TNS3: variants seen among roughly 807,000 people sequenced by gnomAD.
TNS3 encodes tensin 3.
TNS3 carries 45 observed loss-of-function variants against 140.9 expected under a neutral mutation model. The observed-to-expected ratio is 0.32, with a 90% CI of 0.25 to 0.41. The LOEUF (loss-of-function observed/expected upper bound fraction) is 0.41. TNS3 is among the 10% of genes least tolerant of loss of function. The pLI is 1.00. For synonymous variants in TNS3, 815 were observed against 788.4 expected, an observed-to-expected ratio of 1.03 and a Z score of -0.56; for missense variants, 1,716 against 1,906.7, an observed-to-expected ratio of 0.90 and a Z score of 1.86.
At chr7:47,529,193 T>G (rs1198578084) in intron 1 of TNS3, 46 bp from the exon 2 acceptor site, 1 of 1,060,362 alleles carries the variant, frequency 9.4e-7, no homozygotes, top group African/African-American at 1.7e-5. Context: ...TCTCATAGTT[T>G]GTTTCTTTTT....
intron 17 of TNS3, among the ~76,000 whole-genome samples, chr7:47,355,282 G>A (rs1378757680): frequency 6.6e-6 from 1 of 152,238 alleles, no homozygotes; most frequent in Admixed American, 6.5e-5. Flanking sequence ...AGGAGGAGCT[G>A]GGGATGGTGG....
intron 17 of TNS3, among the ~76,000 whole-genome samples, chr7:47,359,704 TGA>T (rs959149623): frequency 2.2e-4 from 34 of 152,194 alleles, no homozygotes; most frequent in African/African-American, 8.0e-4. Flanking sequence ...TCCTTTGACA[TGA>T]GTGTTAGGGT....
rs537732666 is a variant in TNS3, at chr7:47,469,062, A to G, written c.-76+12041T>C. 2.0e-5 allele frequency among the ~76,000 whole-genome samples: 3 copies of G among 152,338 alleles called. No homozygotes were observed. The South Asian group carries it at 6.2e-4, about 32-fold the overall frequency. ...TGCAGAAGAATGGAACTAGACCCTT[A>G]CCTTTCACCGTATATAAAAACTAAC... On this transcript the variant is annotated intron_variant, in intron 4 of 30. Transcript: ENST00000311160.
At chr7:47,495,680 C>T (rs527271538) in intron 3 of TNS3, among the ~76,000 whole-genome samples, 1 of 152,230 alleles carries the variant, frequency 6.6e-6, no homozygotes, top group South Asian at 2.1e-4. Flanking sequence ...GAGCCAGGGC[C>T]CAGGACTGCC....
rs201802164 is a variant in TNS3, at chr7:47,292,049, G to A, written c.3851-17C>T. The A allele has an allele frequency of 5.8e-4, 931 of 1,612,992 alleles. No individual in the cohort carries two copies. The highest frequency in any genetic ancestry group is 7.4e-4 in the Non-Finnish European group (868 of 1,179,218). ...CCAATGGATCTGTAGGAAGGGGCAA[G>A]AAAATACAGAAATGAGTCCTGCTCC... On this transcript the variant is annotated splice_polypyrimidine_tract_variant and intron_variant, in intron 26 of 30. Transcript: ENST00000311160.
intron 16 of TNS3, among the ~76,000 whole-genome samples, chr7:47,387,138 A>C (rs1792121220): frequency 6.6e-6 from 1 of 152,278 alleles, no homozygotes; most frequent in Non-Finnish European, 1.5e-5. Flanking sequence ...CTAAAGTCCC[A>C]GAATCAACTG....
chr7:47,301,508 G>A lies in TNS3; in HGVS notation c.3544+678C>T, dbSNP rs1351275855. Among the ~76,000 whole-genome samples the A allele has an allele frequency of 2.0e-5, 3 of 152,202 alleles. No individual in the cohort carries two copies. In the South Asian group the frequency reaches 6.2e-4, roughly 32 times the overall value. Reference sequence around the variant, plus strand: ...TGCCCAGGGGCTGTCTCCAAGCAGGGCTGCCCAGAAGAGCTTGCTAGCCTT... The same window carrying A: ...TGCCCAGGGGCTGTCTCCAAGCAGGACTGCCCAGAAGAGCTTGCTAGCCTT... On this transcript the variant is annotated intron_variant, in intron 23 of 30. Coordinates refer to ENST00000311160, the MANE Select transcript of TNS3 (RefSeq NM_022748.12).
chr7:47,291,775 G>A (rs1785717841), intron 27 of TNS3, among the ~76,000 whole-genome samples, 180 bp downstream of exon 27: 1 of 152,196 alleles, frequency 6.6e-6, no homozygotes, highest in African/African-American at 2.4e-5. Flanking sequence ...TGAAGGCCTT[G>A]CTGATGTCCC....
chr7:47,412,065 G>A (rs1028895136), intron 12 of TNS3, among the ~76,000 whole-genome samples: 22 of 152,216 alleles, frequency 1.4e-4, no homozygotes, highest in African/African-American at 5.1e-4. Context: ...CGAGCTTGGA[G>A]ACGACCATGC....
intron 8 of TNS3, 27 bp downstream of exon 8, chr7:47,435,255 C>A: frequency 6.2e-7 from 1 of 1,612,634 alleles, no homozygotes; most frequent in South Asian, 1.1e-5. Flanking sequence ...CAGCCAGACC[C>A]CCAAATGTGA....
At chr7:47,494,749 A>T (rs762798139) in intron 3 of TNS3, among the ~76,000 whole-genome samples, 20 of 152,190 alleles carry the variant, frequency 1.3e-4, no homozygotes, top group Non-Finnish European at 2.8e-4. Context: ...TGCTCCCGGG[A>T]GGCGGAGAGA....
chr7:47,462,333 C>T (rs1468629810), intron 4 of TNS3, among the ~76,000 whole-genome samples: 3 of 152,160 alleles, frequency 2.0e-5, no homozygotes, highest in African/African-American at 7.2e-5. Context: ...TGCTTGTATT[C>T]TCTCTCCATC....
At chr7:47,349,367 C>T (rs1020473936) in intron 17 of TNS3, among the ~76,000 whole-genome samples, 2 of 152,372 alleles carry the variant, frequency 1.3e-5, no homozygotes, top group East Asian at 1.9e-4. Flanking sequence ...ATGCCTCTCC[C>T]TCTGGATGGA....
intron 17 of TNS3, among the ~76,000 whole-genome samples, chr7:47,357,941 C>G (rs1407868447): frequency 6.6e-6 from 1 of 152,138 alleles, no homozygotes; most frequent in Non-Finnish European, 1.5e-5. Context: ...TTTTGTAAGT[C>G]AACTGTAACC....
At chr7:47,299,632 C>T (rs1331969348) in intron 23 of TNS3, among the ~76,000 whole-genome samples, 3 of 152,196 alleles carry the variant, frequency 2.0e-5, no homozygotes, top group African/African-American at 4.8e-5. Flanking sequence ...TTTGCTCCGA[C>T]CAGTTCTCCC....
chr7:47,361,832 C>A (rs1048022104), intron 17 of TNS3, among the ~76,000 whole-genome samples: 4 of 152,058 alleles, frequency 2.6e-5, no homozygotes, highest in African/African-American at 9.7e-5. Context: ...ACAGGGCCTG[C>A]CAGGTTGCTG....
intron 17 of TNS3, among the ~76,000 whole-genome samples, chr7:47,353,575 T>G (rs1789809922): frequency 6.6e-6 from 1 of 152,158 alleles, no homozygotes; most frequent in Non-Finnish European, 1.5e-5. Flanking sequence ...CACACATGAC[T>G]TTTACATTTC....
intron 3 of TNS3, among the ~76,000 whole-genome samples, chr7:47,491,033 A>T (rs1398694571): frequency 6.6e-6 from 1 of 152,206 alleles, no homozygotes; most frequent in East Asian, 1.9e-4. Context: ...ACAGATGAGG[A>T]GATTTCAGCC....
chr7:47,454,277 T>G (rs1010352188), intron 4 of TNS3, among the ~76,000 whole-genome samples: 1 of 152,200 alleles, frequency 6.6e-6, no homozygotes, highest in East Asian at 1.9e-4. Context: ...TCCTGCCACC[T>G]GCCCACCATT....
Sources: gnomAD v4.1 joint callset for allele counts (sites outside exome capture counted in the v4.1 genomes callset) on GRCh38, gnomAD v4.1.1 for gene constraint, MANE v1.5 for transcripts, NCBI Gene and HGNC (gene_info 2026-07-23, HGNC 2026-07-21) for gene names.